Variants in HCN1 observed in about 807,000 individuals in gnomAD.
The protein encoded by HCN1 is potassium/sodium hyperpolarization-activated cyclic nucleotide-gated channel 1.
Under a neutral mutation model 78.9 loss-of-function variants are expected in HCN1, and 13 were observed. The ratio of observed to expected loss-of-function variants is 0.16; its 90% CI spans 0.11 to 0.26. The LOEUF (loss-of-function observed/expected upper bound fraction) is 0.26, where lower values mean the gene tolerates loss of function less well. HCN1 is among the 10% of genes least tolerant of loss of function. HCN1 has a pLI of 1.00. For missense variants in HCN1, 810 were observed against 1,154.3 expected (o/e 0.70, Z 4.32); for synonymous variants, 552 against 455.5 (o/e 1.21, Z -2.70).
chr5:45,635,358 G>T (rs574519154), intron 2 of HCN1, among the ~76,000 whole-genome samples: 2 of 151,950 alleles, frequency 1.3e-5, no homozygotes, highest in South Asian at 4.2e-4. Flanking sequence ...ACAACAAAAA[G>T]AGCAAAATTG....
At chr5:45,581,741 C>T (rs577946530) in intron 2 of HCN1, among the ~76,000 whole-genome samples, 9 of 152,172 alleles carry the variant, frequency 5.9e-5, no homozygotes, top group Non-Finnish European at 1.3e-4. Flanking sequence ...CTGCATATGA[C>T]TATCCAGTTT....
chr5:45,526,863 G>C (rs112863331), intron 2 of HCN1, among the ~76,000 whole-genome samples: 1 of 152,016 alleles, frequency 6.6e-6, no homozygotes, highest in Non-Finnish European at 1.5e-5. Context: ...GAAGCTGATA[G>C]CATGTTATCA....
At chr5:45,371,657 T>G (rs891237412) in intron 4 of HCN1, among the ~76,000 whole-genome samples, 1 of 150,162 alleles carries the variant, frequency 6.7e-6, no homozygotes, top group African/African-American at 2.5e-5. Flanking sequence ...CTCGTGAGGC[T>G]GAGGCAGGAG....
chr5:45,269,104 T>C (rs968157809), intron 6 of HCN1, among the ~76,000 whole-genome samples: 13 of 152,152 alleles, frequency 8.5e-5, no homozygotes, highest in Non-Finnish European at 1.8e-4. Context: ...AAAATACAAA[T>C]CTGCAGAGAC....
At chr5:45,347,218 C>T (rs1451703626) in intron 5 of HCN1, among the ~76,000 whole-genome samples, 2 of 152,162 alleles carry the variant, frequency 1.3e-5, no homozygotes, top group Non-Finnish European at 2.9e-5. Flanking sequence ...CGAAAATCTG[C>T]TGTTCTGCAG....
chr5:45,396,794 T>G, intron 3 of HCN1, 84 bp from the exon 4 acceptor site: 1 of 980,144 alleles, frequency 1.0e-6, no homozygotes, highest in Non-Finnish European at 1.7e-6. Flanking sequence ...ACAGAAGCAT[T>G]ATAAAATACT....
At chr5:45,546,260 GAT>G (rs1478706715) in intron 2 of HCN1, among the ~76,000 whole-genome samples, 2 of 151,666 alleles carry the variant, frequency 1.3e-5, no homozygotes, top group African/African-American at 4.8e-5. Flanking sequence ...TTGGCCTACT[GAT>G]ACATAATAAA....
At chr5:45,491,730 T>C (rs1741889961) in intron 2 of HCN1, among the ~76,000 whole-genome samples, 1 of 152,158 alleles carries the variant, frequency 6.6e-6, no homozygotes. Flanking sequence ...GAAAAATTAA[T>C]GGATTATTGT....
chr5:45,465,958 G>T (rs1741262886), intron 2 of HCN1, among the ~76,000 whole-genome samples: 1 of 151,972 alleles, frequency 6.6e-6, no homozygotes, highest in Non-Finnish European at 1.5e-5. Flanking sequence ...TTATTTAGTT[G>T]GAGTCCAATA....
intron 2 of HCN1, among the ~76,000 whole-genome samples, chr5:45,571,008 T>C (rs75898068): frequency 0.033 from 4,960 of 152,278 alleles, 104 homozygotes; most frequent in Non-Finnish European, 0.047. Flanking sequence ...CCTGATATGA[T>C]TGTACTGTTG....
intron 5 of HCN1, among the ~76,000 whole-genome samples, chr5:45,331,242 T>C (rs1746338404): frequency 6.6e-6 from 1 of 151,150 alleles, no homozygotes; most frequent in South Asian, 2.1e-4. Flanking sequence ...GTAATCATTG[T>C]AAAAATAATA....
At chr5:45,422,198 C>T (rs961529617) in intron 3 of HCN1, among the ~76,000 whole-genome samples, 3 of 152,168 alleles carry the variant, frequency 2.0e-5, no homozygotes, top group Admixed American at 2.0e-4. Context: ...GATCATGTTG[C>T]CTTTTGTCCA....
chr5:45,326,193 T>A (rs1746230427), intron 5 of HCN1, among the ~76,000 whole-genome samples: 1 of 151,638 alleles, frequency 6.6e-6, no homozygotes, highest in African/African-American at 2.4e-5. Flanking sequence ...ACATCTCATG[T>A]ACCCCATAAA....
At chr5:45,383,527 T>C (rs1443995594) in intron 4 of HCN1, among the ~76,000 whole-genome samples, 2 of 152,100 alleles carry the variant, frequency 1.3e-5, no homozygotes, top group African/African-American at 4.8e-5. Context: ...AAATCCCATC[T>C]CTACTAAAAC....
intron 3 of HCN1, among the ~76,000 whole-genome samples, chr5:45,445,261 G>T (rs1057400498): frequency 6.6e-6 from 1 of 152,156 alleles, no homozygotes; most frequent in Non-Finnish European, 1.5e-5. Flanking sequence ...AGGGTCCTAC[G>T]CCCAGGTAGT....
chr5:45,368,436 A>G (rs1439461590), intron 4 of HCN1, among the ~76,000 whole-genome samples: 1 of 152,036 alleles, frequency 6.6e-6, no homozygotes, highest in Non-Finnish European at 1.5e-5. Context: ...AGAAATGATA[A>G]ATAATGGAAT....
chr5:45,362,979 CTTCT>C (rs766437602), intron 4 of HCN1, among the ~76,000 whole-genome samples: 23 of 150,982 alleles, frequency 1.5e-4, no homozygotes, highest in Non-Finnish European at 2.2e-4. Context: ...GCTTCCATTC[CTTCT>C]ATTTCACTAA....
rs1216361121 is a variant in HCN1 at position 45,655,595 on chromosome 5, CTT to C, written c.426-9989_426-9988del. Reference sequence around the variant, plus strand: ...ATCTGAGCAGGTGGTTTACACAACTCTTTTCACAAGAGAAGGGGCATAGGCTA... The same window carrying C: ...ATCTGAGCAGGTGGTTTACACAACTCTTCACAAGAGAAGGGGCATAGGCTA... On this transcript the variant is annotated intron_variant, in intron 1 of 7. Transcript: ENST00000303230. 2.0e-5 allele frequency among the ~76,000 whole-genome samples: 3 copies of C among 152,086 alleles called. No individual in the cohort carries two copies. The East Asian group carries it at 5.8e-4, about 29-fold the overall frequency.
intron 4 of HCN1, among the ~76,000 whole-genome samples, chr5:45,358,243 G>A (rs896580376): frequency 6.6e-6 from 1 of 152,070 alleles, no homozygotes; most frequent in African/African-American, 2.4e-5. Flanking sequence ...TCTATGAGGT[G>A]AGAACTGACG....
Sources: gnomAD v4.1 joint callset for allele counts (sites outside exome capture counted in the v4.1 genomes callset) on GRCh38, gnomAD v4.1.1 for gene constraint, MANE v1.5 for transcripts, NCBI Gene and HGNC (gene_info 2026-07-23, HGNC 2026-07-21) for gene names.